PPEF1: variants seen among roughly 807,000 people sequenced by gnomAD.
PPEF1 encodes protein phosphatase with EF-hand domain 1, also known as serine/threonine-protein phosphatase with EF-hands 1.
PPEF1 carries 12 observed loss-of-function variants against 53.3 expected under a neutral mutation model. The ratio of observed to expected loss-of-function variants is 0.23; its 90% CI spans 0.14 to 0.36. The LOEUF (loss-of-function observed/expected upper bound fraction) is 0.36, where lower values mean the gene tolerates loss of function less well. Among genes scored for constraint, PPEF1 ranks in the 10% least tolerant of loss-of-function variants. The pLI, the probability that PPEF1 is intolerant of heterozygous loss-of-function variation, is 1.00. For missense variants in PPEF1, 334 were observed against 490.4 expected (o/e 0.68, Z 3.01); for synonymous variants, 165 against 176.7 (o/e 0.93, Z 0.52).
At chrX:18,781,713 A>G (rs967108749) in intron 7 of PPEF1, among the ~76,000 whole-genome samples, 1 of 111,758 alleles carries the variant, frequency 8.9e-6, no homozygotes, top group African/African-American at 3.3e-5. Context: ...ATTGCATTTC[A>G]TCTTCACAGT....
chrX:18,791,804 A>G (rs971681234), intron 10 of PPEF1, among the ~76,000 whole-genome samples: 15 of 112,170 alleles, frequency 1.3e-4, no homozygotes, highest in African/African-American at 4.8e-4. Context: ...CAAGTATGAT[A>G]TTAGCTGTGT....
chrX:18,761,544 A>G lies in PPEF1; in HGVS notation c.526A>G (p.Lys176Glu), dbSNP rs1469750925. ...EVTICGDLHG[K>E]LDDLFLIFYK... ...TTGCACTGCAGGTGATTTGCATGGG[A>G]AACTGGATGATCTTTTTTTGATCTT... The change falls in exon 6 of 16, where the codon AAA becomes GAA. Residue 176 changes from lysine to glutamate, a missense_variant. Physicochemically the swap from Lys to Glu is moderately conservative, Grantham distance 56. Transcript: ENST00000470157. 1 of 1,209,772 alleles carries G rather than the reference A, an allele frequency of 8.3e-7. No homozygotes were observed. Among genetic ancestry groups the G allele is most frequent in the Admixed American group, 2.2e-5 (1 of 46,022 alleles).
At chrX:18,701,816 A>G (rs933782272) in intron 6 of PPEF1, among the ~76,000 whole-genome samples, 5 of 112,722 alleles carry the variant, frequency 4.4e-5, no homozygotes, top group African/African-American at 1.3e-4. Flanking sequence ...GTCCTAGAAT[A>G]ATAAACCACA....
rs1478990325 is a variant in PPEF1, at chrX:18,827,761, A to G, written c.*274A>G. 1.0e-5 allele frequency: 3 copies of G among 286,618 alleles called. No homozygotes were observed. The East Asian group carries it at 1.7e-4, about 17-fold the overall frequency. 23.6% of individuals were successfully genotyped at this position (286,618 alleles called of 1,213,427 possible). ...GGTTGGACCTAGTGGTGTTGTCGTG[A>G]GTGCCACCTAACCAGGAGGCCAGAG... On this transcript the variant is annotated 3_prime_UTR_variant, in exon 16 of 16. Coordinates refer to ENST00000470157, the MANE Select transcript of PPEF1 (RefSeq NM_001377996.1).
At chrX:18,729,910 C>T (rs935317557) in intron 1 of PPEF1, among the ~76,000 whole-genome samples, 3 of 112,047 alleles carry the variant, frequency 2.7e-5, no homozygotes, top group Non-Finnish European at 3.8e-5. Context: ...GTAACATAGA[C>T]GGTAATTAGC....
chrX:18,741,772 CTTTT>C (rs58971135), intron 3 of PPEF1, among the ~76,000 whole-genome samples: 1,286 of 66,327 alleles, frequency 0.019, 41 homozygotes, highest in African/African-American at 0.071. Context: ...GCTGCTGCTT[CTTTT>C]TTTTTTTTTT....
chrX:18,720,965 T>A (rs2044577412), intron 1 of PPEF1, among the ~76,000 whole-genome samples: 1 of 111,515 alleles, frequency 9.0e-6, no homozygotes. Flanking sequence ...CATCCTATTC[T>A]CTGATTGCTT....
chrX:18,743,128 G>GACA (rs2045222948), intron 3 of PPEF1, among the ~76,000 whole-genome samples: 1 of 112,147 alleles, frequency 8.9e-6, no homozygotes, highest in Non-Finnish European at 1.9e-5. Context: ...AAGGGATGTG[G>GACA]ACATAGGGAG....
At chrX:18,821,804 A>AGAGAGAGAGAGAGAGAG (rs1569273883) in intron 13 of PPEF1, among the ~76,000 whole-genome samples, 4 of 68,606 alleles carry the variant, frequency 5.8e-5, no homozygotes, top group Admixed American at 3.2e-4. Context: ...AGAGAGAGAG[A>AGAGAGAGAGAGAGAGAG]AAACAAATAA....
chrX:18,722,038 G>A (rs1251780739), intron 1 of PPEF1, among the ~76,000 whole-genome samples: 2 of 112,364 alleles, frequency 1.8e-5, no homozygotes, highest in Non-Finnish European at 3.8e-5. Flanking sequence ...CAACAAGCAG[G>A]CTTTGTGTCT....
chrX:18,699,682 T>A (rs978293850), intron 5 of PPEF1, among the ~76,000 whole-genome samples: 2 of 111,473 alleles, frequency 1.8e-5, no homozygotes, highest in South Asian at 3.8e-4. Flanking sequence ...CCCTTTCTGC[T>A]GATGAAGGGA....
intron 1 of PPEF1, among the ~76,000 whole-genome samples, chrX:18,724,667 C>CTT (rs2044666790): frequency 9.0e-6 from 1 of 111,129 alleles, no homozygotes; most frequent in South Asian, 3.8e-4. Context: ...TCAATGTGAC[C>CTT]GGGAAGAGAA....
At chrX:18,754,875 A>G (rs141757637) in intron 4 of PPEF1, among the ~76,000 whole-genome samples, 2 of 111,998 alleles carry the variant, frequency 1.8e-5, no homozygotes, top group East Asian at 5.7e-4. Flanking sequence ...TGCTGGGATT[A>G]TAGGCATGAG....
intron 3 of PPEF1, among the ~76,000 whole-genome samples, chrX:18,689,566 T>C (rs920928367): frequency 2.7e-5 from 3 of 109,254 alleles, no homozygotes; most frequent in Non-Finnish European, 5.7e-5. Flanking sequence ...CAAAGTATGC[T>C]TCACTGTCAC....
intron 1 of PPEF1, among the ~76,000 whole-genome samples, chrX:18,716,250 T>C (rs2044449301): frequency 8.9e-6 from 1 of 111,830 alleles, no homozygotes; most frequent in Non-Finnish European, 1.9e-5. Context: ...AATCAAACAA[T>C]CGCCAGGCGC....
chrX:18,766,065 CAAAAAAAAAAA>C (rs61277288), intron 6 of PPEF1, among the ~76,000 whole-genome samples: 1 of 63,984 alleles, frequency 1.6e-5, no homozygotes, highest in Admixed American at 2.2e-4. Context: ...AACTCTGTCT[CAAAAAAAAAAA>C]AAAAAAAAGA....
At chrX:18,775,397 G>A (rs868029098) in intron 6 of PPEF1, among the ~76,000 whole-genome samples, 2 of 109,188 alleles carry the variant, frequency 1.8e-5, no homozygotes, top group African/African-American at 3.3e-5. Context: ...CTAATTTTTT[G>A]TACTTTCAGT....
intron 4 of PPEF1, among the ~76,000 whole-genome samples, chrX:18,692,941 G>A (rs1388778491): frequency 8.9e-6 from 1 of 111,858 alleles, no homozygotes; most frequent in East Asian, 2.8e-4. Flanking sequence ...GATCAGTGGT[G>A]TTCTCTCTTA....
intron 10 of PPEF1, among the ~76,000 whole-genome samples, chrX:18,799,866 A>G (rs2046515056): frequency 8.9e-6 from 1 of 111,975 alleles, no homozygotes; most frequent in Non-Finnish European, 1.9e-5. Flanking sequence ...CTACTGAGGA[A>G]TTTGTTTCAC....
Sources: gnomAD v4.1 joint callset for allele counts (sites outside exome capture counted in the v4.1 genomes callset) on GRCh38, gnomAD v4.1.1 for gene constraint, MANE v1.5 for transcripts, NCBI Gene and HGNC (gene_info 2026-07-23, HGNC 2026-07-21) for gene names.